The following ATP6V1H variants were observed in gnomAD, a reference collection of about 807,000 sequenced individuals.
ATP6V1H encodes the protein ATPase H+ transporting V1 subunit H.
In ATP6V1H, 39 loss-of-function variants were observed where a neutral mutation model predicts 71.7. The ratio of observed to expected loss-of-function variants is 0.54; its 90% CI spans 0.42 to 0.71. The LOEUF (loss-of-function observed/expected upper bound fraction) is 0.71, where lower values mean the gene tolerates loss of function less well. ATP6V1H is among the 30% of genes least tolerant of loss of function. The pLI is 0.00. For synonymous variants in ATP6V1H, 192 were observed against 199.3 expected, an observed-to-expected ratio of 0.96 and a Z score of 0.31; for missense variants, 509 against 594.9, an observed-to-expected ratio of 0.86 and a Z score of 1.50.
chr8:53,777,799 T>G (rs147819516), intron 9 of ATP6V1H, among the ~76,000 whole-genome samples: 226 of 152,298 alleles, frequency 1.5e-3, no homozygotes, highest in African/African-American at 5.2e-3. Context: ...ATTTGGCCCA[T>G]AGGCTTCCAA....
chr8:53,718,830 A>C (rs944093499), intron 13 of ATP6V1H, among the ~76,000 whole-genome samples: 16 of 152,202 alleles, frequency 1.1e-4, no homozygotes, highest in Admixed American at 6.5e-4. Flanking sequence ...ATTTGGGGGA[A>C]GAACAAGGAC....
chr8:53,831,632 T>C (rs548079504), intron 3 of ATP6V1H, among the ~76,000 whole-genome samples: 1 of 152,174 alleles, frequency 6.6e-6, no homozygotes, highest in East Asian at 1.9e-4. Flanking sequence ...AGCAGGGGCA[T>C]GGGCCCTCTC....
At chr8:53,797,599 C>A (rs1256493444) in intron 8 of ATP6V1H, among the ~76,000 whole-genome samples, 1 of 152,178 alleles carries the variant, frequency 6.6e-6, no homozygotes, top group Non-Finnish European at 1.5e-5. Context: ...TGATTCCAGT[C>A]TCTTACCATT....
At chr8:53,838,134 T>TA (rs1811221165) in intron 2 of ATP6V1H, among the ~76,000 whole-genome samples, 1 of 151,086 alleles carries the variant, frequency 6.6e-6, no homozygotes. Flanking sequence ...TGTCTTTTTT[T>TA]TTTTTCTTTG....
Position 53,772,923 on chromosome 8 carries a change from C to T in ATP6V1H, c.871-756G>A, listed in dbSNP as rs73682571. Among the ~76,000 whole-genome samples, 12 of 97,662 alleles carry T rather than the reference C, an allele frequency of 1.2e-4. No individual in the cohort carries two copies. The East Asian group carries it at 3.6e-3, about 29-fold the overall frequency. 64.1% of individuals were successfully genotyped at this position (97,662 alleles called of 152,430 possible). Reference sequence around the variant, plus strand: ...AAATGCAAAAAAAAAAAAAAAAAAACAAAACAGTAACAATTAACTCCAATT... The same window carrying T: ...AAATGCAAAAAAAAAAAAAAAAAAATAAAACAGTAACAATTAACTCCAATT... On this transcript the variant is annotated intron_variant, in intron 9 of 13. Transcript: ENST00000359530.
chr8:53,755,313 A>G (rs1807966404), intron 12 of ATP6V1H, among the ~76,000 whole-genome samples: 1 of 151,996 alleles, frequency 6.6e-6, no homozygotes, highest in Non-Finnish European at 1.5e-5. Flanking sequence ...AGCTAACTTC[A>G]CTATTTTTTA....
chr8:53,839,110 C>T (rs954476905), intron 2 of ATP6V1H, among the ~76,000 whole-genome samples: 1 of 152,200 alleles, frequency 6.6e-6, no homozygotes, highest in Non-Finnish European at 1.5e-5. Context: ...GAAAACACAA[C>T]ATGTCATAGA....
chr8:53,763,185 C>T (rs1033100029), intron 11 of ATP6V1H, among the ~76,000 whole-genome samples: 11 of 152,064 alleles, frequency 7.2e-5, no homozygotes, highest in African/African-American at 2.7e-4. Flanking sequence ...GGTCGGCATC[C>T]CTAATTCCTG....
At chr8:53,741,585 A>G (rs1319726675) in intron 13 of ATP6V1H, among the ~76,000 whole-genome samples, 1 of 152,236 alleles carries the variant, frequency 6.6e-6, no homozygotes, top group East Asian at 1.9e-4. Context: ...AGATATAAAC[A>G]AACCATAAGA....
intron 11 of ATP6V1H, among the ~76,000 whole-genome samples, chr8:53,765,737 T>C (rs1808438346): frequency 6.6e-6 from 1 of 152,164 alleles, no homozygotes; most frequent in Non-Finnish European, 1.5e-5. Context: ...GCAATCCCAA[T>C]CAAAATCCTG....
At chr8:53,834,634 C>T (rs1240058656) in intron 2 of ATP6V1H, among the ~76,000 whole-genome samples, 4 of 151,970 alleles carry the variant, frequency 2.6e-5, no homozygotes, top group East Asian at 3.9e-4. Context: ...CCATATTGGC[C>T]GGGCTGCTCT....
At chr8:53,792,501 G>C (rs527377638) in intron 9 of ATP6V1H, among the ~76,000 whole-genome samples, 21 of 152,220 alleles carry the variant, frequency 1.4e-4, no homozygotes, top group African/African-American at 5.1e-4. Context: ...CATCCAGCTG[G>C]TATTTTAAGC....
intron 12 of ATP6V1H, among the ~76,000 whole-genome samples, chr8:53,747,368 A>G (rs1039348659): frequency 4.6e-5 from 7 of 152,098 alleles, no homozygotes; most frequent in Non-Finnish European, 8.8e-5. Context: ...AACCATGCCT[A>G]TTTTCGTTTC....
intron 9 of ATP6V1H, among the ~76,000 whole-genome samples, chr8:53,781,214 CTTTTTAATAATCGCCA>C (rs1187593250): frequency 6.6e-6 from 1 of 152,146 alleles, no homozygotes; most frequent in East Asian, 1.9e-4. Flanking sequence ...TGTTTCCTGA[CTTTTTAATAATCGCCA>C]TTCTAACTGG....
At chr8:53,729,422 G>A (rs1340858729) in intron 13 of ATP6V1H, among the ~76,000 whole-genome samples, 2 of 152,130 alleles carry the variant, frequency 1.3e-5, no homozygotes, top group African/African-American at 4.8e-5. Context: ...AGAGGCCTGG[G>A]ATCCATGGCA....
intron 10 of ATP6V1H, among the ~76,000 whole-genome samples, chr8:53,770,384 T>G (rs140377260): frequency 6.6e-6 from 1 of 152,126 alleles, no homozygotes; most frequent in Non-Finnish European, 1.5e-5. Flanking sequence ...AGCTTTACAG[T>G]AGGAAAATGT....
chr8:53,814,354 C>A (rs556861659), intron 6 of ATP6V1H, among the ~76,000 whole-genome samples: 1 of 152,168 alleles, frequency 6.6e-6, no homozygotes, highest in South Asian at 2.1e-4. Flanking sequence ...CTGTGTGGGT[C>A]CTTTCAGTTC....
intron 6 of ATP6V1H, 23 bp from the exon 7 acceptor site, chr8:53,811,240 T>C: frequency 6.2e-7 from 1 of 1,607,928 alleles, no homozygotes; most frequent in South Asian, 1.1e-5. Flanking sequence ...AAATAACTCA[T>C]TATTTAGTTT....
intron 11 of ATP6V1H, among the ~76,000 whole-genome samples, chr8:53,759,607 T>C (rs1442384485): frequency 6.6e-6 from 1 of 152,242 alleles, no homozygotes; most frequent in Non-Finnish European, 1.5e-5. Flanking sequence ...AAAGCATCTG[T>C]TCAAATCAAA....
Sources: gnomAD v4.1 joint callset for allele counts (sites outside exome capture counted in the v4.1 genomes callset) on GRCh38, gnomAD v4.1.1 for gene constraint, MANE v1.5 for transcripts, NCBI Gene and HGNC (gene_info 2026-07-23, HGNC 2026-07-21) for gene names.